Variants in ARFGAP3 observed in about 807,000 individuals in gnomAD.
ARFGAP3 encodes the protein ARF GTPase activating protein 3, also known as ADP-ribosylation factor GTPase-activating protein 3.
Under a neutral mutation model 75.0 loss-of-function variants are expected in ARFGAP3, and 72 were observed. That is an observed-to-expected ratio of 0.96 (90% CI 0.79 to 1.17). ARFGAP3 has a LOEUF of 1.17. Ranked by LOEUF, ARFGAP3 falls within the 50% of genes most tolerant of loss-of-function variation. ARFGAP3 has a pLI of 0.00. For synonymous variants in ARFGAP3, 221 were observed against 217.9 expected (o/e 1.01, Z -0.13); for missense variants, 620 against 626.6 (o/e 0.99, Z 0.11).
intron 3 of ARFGAP3, among the ~76,000 whole-genome samples, chr22:42,839,351 C>T (rs999402715): frequency 6.6e-6 from 1 of 151,702 alleles, no homozygotes; most frequent in African/African-American, 2.4e-5. Flanking sequence ...GTAATTCCAG[C>T]ACTTTGAGAG....
chr22:42,833,139 A>C (rs1466942206), intron 5 of ARFGAP3, among the ~76,000 whole-genome samples: 3 of 152,240 alleles, frequency 2.0e-5, no homozygotes, highest in Non-Finnish European at 4.4e-5. Context: ...TCAGGTCACA[A>C]AGATGAAGAT....
In ARFGAP3 at chr22:42,808,890, T is replaced by G. The variant is rs766656677; in HGVS notation, c.1197A>C (p.Arg399Ser). Residue 399 changes from arginine to serine, a missense_variant and splice_region_variant, in exon 13 of 16, where the codon AGA becomes AGC. Physicochemically the swap from Arg to Ser is moderately radical, Grantham distance 110. Coordinates refer to ENST00000263245, the MANE Select transcript of ARFGAP3 (RefSeq NM_014570.5). ...AATCTGGCTTGCGGCGAGCAGTAGG[T>G]CTGCAATTAAAAACAGCCAAATTAG... is the stretch of plus-strand genomic sequence containing the variant. ...TVLKTTGYSD[R>S]PTARRKPDYE... The G allele has an allele frequency of 2.5e-6, 4 of 1,604,448 alleles. No homozygotes were observed. The highest frequency in any genetic ancestry group is 3.4e-6 in the Non-Finnish European group (4 of 1,174,326).
intron 1 of ARFGAP3, among the ~76,000 whole-genome samples, chr22:42,848,580 A>T (rs1927129258): frequency 6.6e-6 from 1 of 152,248 alleles, no homozygotes; most frequent in Non-Finnish European, 1.5e-5. Flanking sequence ...CATCTCAAAC[A>T]TGCCTTATCC....
intron 1 of ARFGAP3, among the ~76,000 whole-genome samples, chr22:42,853,961 A>C (rs142869798): frequency 6.6e-6 from 1 of 152,366 alleles, no homozygotes; most frequent in East Asian, 1.9e-4. Flanking sequence ...ATTTTAAAGA[A>C]AACTAAGGAA....
chr22:42,841,984 C>T (rs1372402730), intron 2 of ARFGAP3, among the ~76,000 whole-genome samples: 1 of 149,832 alleles, frequency 6.7e-6, no homozygotes, highest in Non-Finnish European at 1.5e-5. Context: ...CTCAACCTCC[C>T]AAGTAGATGG....
At chr22:42,802,017 T>C (rs1171789276) in intron 14 of ARFGAP3, among the ~76,000 whole-genome samples, 1 of 152,078 alleles carries the variant, frequency 6.6e-6, no homozygotes, top group Non-Finnish European at 1.5e-5. Flanking sequence ...GTGGGAACCA[T>C]GGTCCTGGAG....
chr22:42,835,544 A>G (rs1926484424), intron 3 of ARFGAP3, 51 bp from the exon 4 acceptor site: 12 of 1,599,186 alleles, frequency 7.5e-6, no homozygotes, highest in Non-Finnish European at 9.4e-6. Context: ...ACGTATGGCC[A>G]GGCGCAGTGG....
At chr22:42,830,646 T>C (rs1333373355) in intron 6 of ARFGAP3, among the ~76,000 whole-genome samples, 2 of 152,228 alleles carry the variant, frequency 1.3e-5, no homozygotes, top group African/African-American at 2.4e-5. Flanking sequence ...ACTACTCATG[T>C]CACAAGTGAT....
rs565674167 is a variant in ARFGAP3 at position 42,798,193 on chromosome 22, T to C, written c.1534-588A>G. Among the ~76,000 whole-genome samples, 17 of 152,068 alleles carry C rather than the reference T, an allele frequency of 1.1e-4. No homozygotes were observed. The South Asian group carries it at 3.5e-3, about 32-fold the overall frequency. ...TATGCATTTTAACTTCAGTGCCACA[T>C]GAAAGGGAAGACTGTGCTATTCACA... On this transcript the variant is annotated intron_variant, in intron 15 of 15. Coordinates refer to ENST00000263245, the MANE Select transcript of ARFGAP3 (RefSeq NM_014570.5).
intron 11 of ARFGAP3, among the ~76,000 whole-genome samples, chr22:42,813,312 CA>C (rs1489531731): frequency 6.6e-6 from 1 of 152,076 alleles, no homozygotes; most frequent in Non-Finnish European, 1.5e-5. Flanking sequence ...GACCTGGGAC[CA>C]AATGGCTGCC....
intron 1 of ARFGAP3, 88 bp downstream of exon 1, chr22:42,857,026 C>T: frequency 2.2e-6 from 3 of 1,355,620 alleles, no homozygotes; most frequent in Non-Finnish European, 2.9e-6. Context: ...GGCCCCGCCT[C>T]CCAAGCCACG....
In ARFGAP3 at chr22:42,810,904, A is replaced by C; in HGVS notation, c.1105T>G (p.Ser369Ala). The stretch of plus-strand genomic sequence containing the variant: ...GAATCTGAACTGTCATCCCAGCTAG[A>C]GAAAGAACTGCTCCTTAACTCCACT... ...EPVELRSSSF[S>A]SWDDSSDSYW... The change falls in exon 12 of 16, where the codon TCT becomes GCT. Residue 369 changes from serine to alanine, a missense_variant. Physicochemically the swap from Ser to Ala is moderately conservative, Grantham distance 99. Coordinates refer to ENST00000263245, the MANE Select transcript of ARFGAP3 (RefSeq NM_014570.5). The C allele has an allele frequency of 6.2e-7, 1 of 1,614,210 alleles. No homozygotes were observed. The highest frequency in any genetic ancestry group is 8.5e-7 in the Non-Finnish European group (1 of 1,180,042).
intron 2 of ARFGAP3, 86 bp from the exon 3 acceptor site, chr22:42,841,102 G>A (rs992373938): frequency 2.6e-6 from 4 of 1,526,672 alleles, no homozygotes; most frequent in Non-Finnish European, 3.5e-6. Flanking sequence ...GGTTTCCTTA[G>A]GCTTTAGGAT....
At chr22:42,808,288 C>T (rs1925214333) in intron 13 of ARFGAP3, among the ~76,000 whole-genome samples, 1 of 151,384 alleles carries the variant, frequency 6.6e-6, no homozygotes, top group African/African-American at 2.4e-5. Flanking sequence ...TTCCCAGCTA[C>T]TTGGGAGGCT....
At chr22:42,843,923 C>G (rs1340829857) in intron 2 of ARFGAP3, among the ~76,000 whole-genome samples, 2 of 152,212 alleles carry the variant, frequency 1.3e-5, no homozygotes, top group Non-Finnish European at 2.9e-5. Context: ...TCCATATACT[C>G]TTAATCTGCC....
At chr22:42,800,529 TCAAAAA>T (rs894518663) in intron 14 of ARFGAP3, among the ~76,000 whole-genome samples, 32 of 152,098 alleles carry the variant, frequency 2.1e-4, no homozygotes, top group African/African-American at 2.9e-4. Context: ...AGACCCCATC[TCAAAAA>T]CAAAAACAGA....
At chr22:42,815,106 T>C (rs925749264) in intron 11 of ARFGAP3, among the ~76,000 whole-genome samples, 6 of 152,302 alleles carry the variant, frequency 3.9e-5, no homozygotes, top group Middle Eastern at 3.4e-3. Flanking sequence ...TAATCAAAGA[T>C]GTTGTGAGAA....
At chr22:42,845,808 G>T (rs1041081791) in intron 2 of ARFGAP3, among the ~76,000 whole-genome samples, 1 of 152,034 alleles carries the variant, frequency 6.6e-6, no homozygotes, top group Non-Finnish European at 1.5e-5. Flanking sequence ...GGGAGGACGA[G>T]GGGGGTGGAT....
At chr22:42,813,932 T>G (rs1344948986) in intron 11 of ARFGAP3, among the ~76,000 whole-genome samples, 1 of 152,180 alleles carries the variant, frequency 6.6e-6, no homozygotes, top group Non-Finnish European at 1.5e-5. Flanking sequence ...ATTTTTCCCC[T>G]CCCACTCTGT....
Sources: allele counts gnomAD v4.1 joint callset (sites outside exome capture counted in the v4.1 genomes callset), GRCh38; gene constraint gnomAD v4.1.1; transcripts MANE v1.5; gene names NCBI Gene and HGNC (gene_info 2026-07-23, HGNC 2026-07-21).